The following NEURL4 variants were observed in gnomAD, a reference collection of about 807,000 sequenced individuals.
The protein encoded by NEURL4 is neuralized-like protein 4.
Under a neutral mutation model 148.0 loss-of-function variants are expected in NEURL4, and 45 were observed. That is an observed-to-expected ratio of 0.30 (90% CI 0.24 to 0.39). NEURL4 has a LOEUF of 0.39. NEURL4 is among the 10% of genes least tolerant of loss of function. NEURL4 has a pLI of 1.00. For missense variants in NEURL4, 1,776 were observed against 2,144.0 expected (o/e 0.83, Z 3.39); for synonymous variants, 854 against 869.0 (o/e 0.98, Z 0.30).
At position 7,319,249 on chromosome 17, in the gene NEURL4, G is replaced by C. The variant is rs1222532324; in HGVS notation, c.3526-41C>G. The C allele has an allele frequency of 1.9e-6, 3 of 1,564,048 alleles. No homozygotes were observed. In the African/African-American group the frequency reaches 4.1e-5, roughly 21 times the overall value. On this transcript the variant is annotated intron_variant, in intron 21 of 28. Transcript: ENST00000399464. ...CTACTCCATAATCACAGCCTCCTGG[G>C]AAGAACCAGGCTCCGCACCCCAGCC... is the stretch of plus-strand genomic sequence containing the variant.
Position 7,326,952 on chromosome 17 carries a change from T to C in NEURL4, c.851A>G (p.Asn284Ser), listed in dbSNP as rs372594801. The change falls in exon 4 of 29, where the codon AAT (asparagine) becomes AGT (serine). Residue 284 changes from asparagine to serine, a missense_variant. Physicochemically the swap from Asn to Ser is conservative, Grantham distance 46. Transcript: ENST00000399464. The surrounding 1 kb of genome is among the most constrained non-coding windows in gnomAD (Gnocchi z 6.0). ...CAGGTTCACATTCAGGAGCCCTCCATTGTAGGCAGACAGGATGGTGTTGCT... is the reference window on the plus strand; with the variant it reads ...CAGGTTCACATTCAGGAGCCCTCCACTGTAGGCAGACAGGATGGTGTTGCT... The part of the protein sequence containing the change: ...VVSNTILSAY[N>S]GGLLNVNLSS... The C allele has an allele frequency of 2.2e-5, 35 of 1,613,636 alleles. No homozygotes were observed. In the African/African-American group the frequency reaches 3.9e-4, roughly 18 times the overall value.
chr17:7,321,141 C>T lies in NEURL4; in HGVS notation c.3331G>A (p.Asp1111Asn), dbSNP rs1309948362. 6 of 1,613,896 alleles carry T rather than the reference C, an allele frequency of 3.7e-6. No homozygotes were observed. The highest frequency in any genetic ancestry group is 4.2e-6 in the Non-Finnish European group (5 of 1,179,988). ...SSDTGSEGEE[D>N]DEGEEHGLGG... ...AGGCCATGCTCCTCGCCCTCGTCAT[C>T]CTCCTCGCCCTCACTGCCGGTGTCT... The change falls in exon 20 of 29, where the codon GAT becomes AAT. Residue 1111 changes from aspartate (D) to asparagine (N), a missense_variant. Asp to Asn is a conservative substitution (Grantham distance 23, BLOSUM62 1). Transcript: ENST00000399464. The surrounding 1 kb of genome is among the most constrained non-coding windows in gnomAD (Gnocchi z 6.3).
Position 7,321,171 on chromosome 17 carries a change from T to G in NEURL4, c.3301A>C (p.Ser1101Arg). Residue 1101 changes from serine to arginine, a missense_variant, in exon 20 of 29, where the codon AGT (serine) becomes CGT (arginine). Transcript: ENST00000399464. This position sits in a 1 kb window ranked among gnomAD's most constrained non-coding sequence, Gnocchi z 6.3. ...TCGCCCTCACTGCCGGTGTCTGAAC[T>G]GGGGGAAGGAGGCTGGGTGCCTTCT... The part of the protein sequence containing the change: ...ESEGTQPPSP[S>R]SDTGSEGEED... 1.2e-6 allele frequency: 2 copies of G among 1,613,958 alleles called. No individual in the cohort carries two copies. The highest frequency in any genetic ancestry group is 1.7e-6 in the Non-Finnish European group (2 of 1,180,016).
At position 7,321,510 on chromosome 17, in the gene NEURL4, GC is replaced by G. The variant is rs2073033711; in HGVS notation, c.3099+49del. 1 of 1,611,922 alleles carries G rather than the reference GC, an allele frequency of 6.2e-7. No individual in the cohort carries two copies. Among genetic ancestry groups the G allele is most frequent in the Non-Finnish European group, 8.5e-7 (1 of 1,178,368 alleles). ...GACGATGTTCAGCCCACCTCTCCCT[GC>G]CACCTCCACTCCCAACCCCTCCCCT... On this transcript the variant is annotated intron_variant, in intron 18 of 28. Transcript: ENST00000399464. The surrounding 1 kb of genome is among the most constrained non-coding windows in gnomAD (Gnocchi z 6.3).
At chr17:7,328,517 C>T (rs553137571) in intron 1 of NEURL4, among the ~76,000 whole-genome samples, 2 of 152,344 alleles carry the variant, frequency 1.3e-5, no homozygotes, top group East Asian at 1.9e-4. Context: ...CATTCTCCTG[C>T]CTCAGCCTCC....
intron 8 of NEURL4, 51 bp downstream of exon 8, chr17:7,325,158 C>A (rs3809815): frequency 2.4e-5 from 18 of 750,784 alleles, no homozygotes; most frequent in African/African-American, 2.1e-4. Flanking sequence ...CCGCCCCCCC[C>A]CCCCCATTAG....
chr17:7,325,806 G>C, intron 6 of NEURL4, 93 bp from the exon 7 acceptor site: 1 of 1,019,180 alleles, frequency 9.8e-7, no homozygotes, highest in African/African-American at 1.6e-5. Flanking sequence ...ATTCGTGAGA[G>C]TCTCAGACCA....
In NEURL4 at chr17:7,322,325, A is replaced by G. The variant is rs1597634600; in HGVS notation, c.2726-315T>C. 6.6e-6 allele frequency among the ~76,000 whole-genome samples: 1 copy of G among 152,044 alleles called. No homozygotes were observed. Among genetic ancestry groups the G allele is most frequent in the Non-Finnish European group, 1.5e-5 (1 of 67,982 alleles). ...GGTGCATGCCACCACACCTGCCTAC[A>G]TTTTGTATTTTTGGTACAGACGGGG... On this transcript the variant is annotated intron_variant, in intron 16 of 28. Coordinates refer to ENST00000399464, the MANE Select transcript of NEURL4 (RefSeq NM_032442.3). The surrounding 1 kb of genome is among the most constrained non-coding windows in gnomAD (Gnocchi z 5.5).
rs761710913 is a variant in NEURL4 at position 7,318,075 on chromosome 17, CAGG to C, written c.4047_4049del (p.Leu1352del). ...GACTGTGGGACTCACCGGGAAGCAG[CAGG>C]AGTTCTTGGAAGCGAGAGCAAAGGG... On this transcript the variant is annotated inframe_deletion, in exon 25 of 29. Transcript: ENST00000399464. The surrounding 1 kb of genome is among the most constrained non-coding windows in gnomAD (Gnocchi z 4.3). 4.6e-5 allele frequency: 74 copies of C among 1,613,994 alleles called. No homozygotes were observed. Among genetic ancestry groups the C allele is most frequent in the Non-Finnish European group, 6.2e-5 (73 of 1,179,980 alleles).
intron 21 of NEURL4, among the ~76,000 whole-genome samples, 164 bp from the exon 22 acceptor site, chr17:7,319,372 CTCTTTTT>C (rs1567618978): frequency 8.1e-5 from 8 of 99,260 alleles, no homozygotes; most frequent in African/African-American, 2.6e-4. Context: ...GTTTCTTTCC[CTCTTTTT>C]TTTTTTTTTT....
intron 25 of NEURL4, 21 bp from the exon 26 acceptor site, chr17:7,317,953 G>A: frequency 1.2e-6 from 2 of 1,614,004 alleles, no homozygotes; most frequent in Admixed American, 1.7e-5. Context: ...GTGAGTAGCA[G>A]GCTTGGTGCT....
In NEURL4 at chr17:7,329,215, C is replaced by T; in HGVS notation, c.98G>A (p.Gly33Glu). ...GCCGCTGCCCAGACCCCCGTTGGAC[C>T]CCGGTCCTGAGCCGCTCCCGCTGGG... is the stretch of plus-strand genomic sequence containing the variant. ...GGPSGSGSGP[G>E]SNGGLGSGGE... Residue 33 changes from glycine (G) to glutamate (E), a missense_variant, in exon 1 of 29, where the codon GGG becomes GAG. Gly to Glu is a moderately conservative substitution (Grantham distance 98). Transcript: ENST00000399464. 1 of 1,553,288 alleles carries T rather than the reference C, an allele frequency of 6.4e-7. No individual in the cohort carries two copies. The highest frequency in any genetic ancestry group is 2.4e-5 in the East Asian group (1 of 41,930).
chr17:7,320,788 G>A lies in NEURL4; in HGVS notation c.3496C>T (p.Gln1166Ter). The A allele has an allele frequency of 6.2e-7, 1 of 1,613,954 alleles. No individual in the cohort carries two copies. Among genetic ancestry groups the A allele is most frequent in the Non-Finnish European group, 8.5e-7 (1 of 1,179,934 alleles). ...ACCAGCAGCTGGGGCACCAGAGGTT[G>A]GTTGATGACAACGATGCCCTGATTG... ...SYNQGIVVINQPLVPQLLVQV... is the reference protein window; with the variant it reads ...SYNQGIVVIN The change falls in exon 21 of 29, where the codon CAA becomes TAA. Residue 1166 changes from glutamine (Q) to a stop codon, truncating the protein, a stop_gained. Coordinates refer to ENST00000399464, the MANE Select transcript of NEURL4 (RefSeq NM_032442.3). LOFTEE classifies it high-confidence loss of function.
chr17:7,318,775 C>A lies in NEURL4; in HGVS notation c.3685-101G>T. The A allele has an allele frequency of 7.7e-7, 1 of 1,292,238 alleles. No individual in the cohort carries two copies. Among genetic ancestry groups the A allele is most frequent in the Non-Finnish European group, 1.1e-6 (1 of 946,562 alleles). The allele number at this position is 1,292,238 out of a possible 1,614,324, so 80.0% of individuals were successfully genotyped here. On this transcript the variant is annotated intron_variant, in intron 22 of 28. Coordinates refer to ENST00000399464, the MANE Select transcript of NEURL4 (RefSeq NM_032442.3). This position sits in a 1 kb window ranked among gnomAD's most constrained non-coding sequence, Gnocchi z 4.3. ...TTTTGCCAGTGCCTTGGCTTTGCCT[C>A]CATGCTTGCCCACTGCCGAGGTTCT... is the stretch of plus-strand genomic sequence containing the variant.
At chr17:7,328,354 A>G (rs2073129787) in intron 1 of NEURL4, among the ~76,000 whole-genome samples, 1 of 152,080 alleles carries the variant, frequency 6.6e-6, no homozygotes, top group Non-Finnish European at 1.5e-5. Context: ...CTCACCCTGG[A>G]TCTTTCTCCT....
chr17:7,320,556 T>TA (rs2073017900), intron 21 of NEURL4, among the ~76,000 whole-genome samples: 1 of 152,194 alleles, frequency 6.6e-6, no homozygotes, highest in South Asian at 2.1e-4. Flanking sequence ...AGCCTGTCCC[T>TA]ACTGCTTCCC....
chr17:7,326,296 T>C lies in NEURL4; in HGVS notation c.1252A>G (p.Thr418Ala). The change falls in exon 6 of 29, where the codon ACC (threonine) becomes GCC (alanine). Residue 418 changes from threonine to alanine, a missense_variant. Physicochemically the swap from Thr to Ala is moderately conservative, Grantham distance 58 (BLOSUM62 0). Coordinates refer to ENST00000399464, the MANE Select transcript of NEURL4 (RefSeq NM_032442.3). This position sits in a 1 kb window ranked among gnomAD's most constrained non-coding sequence, Gnocchi z 6.0. ...CTGAATTCGCAGTACTCCCGGCGGG[T>C]GCCCTTGCCATTGGTCAGGATTCCA... is the stretch of plus-strand genomic sequence containing the variant. ...GCGILTNGKG[T>A]RREYCEFSLD... The C allele has an allele frequency of 3.7e-6, 6 of 1,613,466 alleles. No individual in the cohort carries two copies. The highest frequency in any genetic ancestry group is 5.1e-6 in the Non-Finnish European group (6 of 1,179,754).
Position 7,324,132 on chromosome 17 carries a change from GGGCCGCCT to G in NEURL4, c.2030_2037del (p.Gln677ProfsTer15). On this transcript the variant is annotated frameshift_variant, in exon 11 of 29. Transcript: ENST00000399464. LOFTEE classifies it high-confidence loss of function. This position sits in a 1 kb window ranked among gnomAD's most constrained non-coding sequence, Gnocchi z 5.9. ...CCCACGTCGTCCACAATGGTGGCCT[GGGCCGCCT>G]GGCCATAGAGATCGACGACAGCATA... 1 of 1,613,380 alleles carries G rather than the reference GGGCCGCCT, an allele frequency of 6.2e-7. No homozygotes were observed. Among genetic ancestry groups the G allele is most frequent in the Non-Finnish European group, 8.5e-7 (1 of 1,180,000 alleles).
Position 7,325,381 on chromosome 17 carries a change from GGTT to G in NEURL4, c.1456_1458del (p.Asn486del), listed in dbSNP as rs1423654296. ...TTGTTTCGGCGGAGACGGTCACTGTGGTTGTTATTGTGGACGATGGTCACCTTC... is the reference window on the plus strand; with the variant it reads ...TTGTTTCGGCGGAGACGGTCACTGTGGTTATTGTGGACGATGGTCACCTTC... On this transcript the variant is annotated inframe_deletion, in exon 8 of 29. Transcript: ENST00000399464. 2 of 1,613,340 alleles carry G rather than the reference GGTT, an allele frequency of 1.2e-6. No homozygotes were observed. Among genetic ancestry groups the G allele is most frequent in the South Asian group, 1.1e-5 (1 of 91,086 alleles).
Sources: gnomAD v4.1 joint callset for allele counts (sites outside exome capture counted in the v4.1 genomes callset) on GRCh38, gnomAD v4.1.1 for gene constraint, Gnocchi (gnomAD v3.1) non-coding constraint, MANE v1.5 for transcripts, NCBI Gene and HGNC (gene_info 2026-07-23, HGNC 2026-07-21) for gene names.